Variants in BRCC3 observed in about 807,000 individuals in gnomAD.
BRCC3 encodes BRCA1/BRCA2-containing complex subunit 3.
A neutral mutation model predicts 28.0 loss-of-function variants in BRCC3; 15 were observed. The observed-to-expected ratio is 0.54, with a 90% CI of 0.36 to 0.82. The LOEUF (loss-of-function observed/expected upper bound fraction) is 0.82. Among genes scored for constraint, BRCC3 ranks in the 40% least tolerant of loss-of-function variants. The pLI is 0.01. For missense variants in BRCC3, 109 were observed against 225.9 expected (o/e 0.48, Z 3.32); for synonymous variants, 66 against 80.3 (o/e 0.82, Z 0.95).
intron 5 of BRCC3, among the ~76,000 whole-genome samples, chrX:155,087,487 A>C (rs1261176482): frequency 8.9e-6 from 1 of 112,064 alleles, no homozygotes; most frequent in Non-Finnish European, 1.9e-5. Context: ...GTCAGACGGC[A>C]ACTTAGATCT....
intron 2 of BRCC3, among the ~76,000 whole-genome samples, chrX:155,072,817 C>G (rs1569560382): frequency 9.0e-6 from 1 of 110,666 alleles, no homozygotes; most frequent in Non-Finnish European, 1.9e-5. Context: ...CTCGACCTCC[C>G]CAAGTGCTGG....
At chrX:155,081,744 C>T (rs982599461) in intron 5 of BRCC3, among the ~76,000 whole-genome samples, 14 of 111,510 alleles carry the variant, frequency 1.3e-4, no homozygotes, top group African/African-American at 3.6e-4. Flanking sequence ...GTAATTAGTG[C>T]AATTAGGTTA....
In BRCC3 at chrX:155,122,602, G is replaced by T. The variant is rs1365439298; in HGVS notation, c.*1398G>T. The T allele has an allele frequency of 9.0e-6, 1 of 111,469 alleles. No individual in the cohort carries two copies. The highest frequency in any genetic ancestry group is 3.3e-5 in the African/African-American group (1 of 30,622). 9.2% of individuals were successfully genotyped at this position (111,469 alleles called of 1,213,427 possible). On this transcript the variant is annotated 3_prime_UTR_variant, in exon 11 of 11. Transcript: ENST00000330045. Reference sequence around the variant, plus strand: ...ATAGCCCCAAACTGGAAACAACCCAGATGTCCTACAACAGGTACATGGTTA... The same window carrying T: ...ATAGCCCCAAACTGGAAACAACCCATATGTCCTACAACAGGTACATGGTTA...
intron 5 of BRCC3, among the ~76,000 whole-genome samples, chrX:155,084,282 A>G (rs782820459): frequency 5.4e-4 from 61 of 112,344 alleles, no homozygotes; most frequent in African/African-American, 1.9e-3. Context: ...CCAAGGAGAC[A>G]TGTACCTGTA....
At chrX:155,094,461 G>A (rs1414499971) in intron 7 of BRCC3, among the ~76,000 whole-genome samples, 5 of 110,790 alleles carry the variant, frequency 4.5e-5, no homozygotes, top group African/African-American at 1.6e-4. Flanking sequence ...GAACACAAGA[G>A]AGTAGCTAGA....
At chrX:155,074,597 A>G (rs1483582390) in intron 3 of BRCC3, among the ~76,000 whole-genome samples, 5 of 112,124 alleles carry the variant, frequency 4.5e-5, no homozygotes, top group African/African-American at 1.6e-4. Context: ...CTCTGACTAA[A>G]GCAAGAAAGA....
intron 5 of BRCC3, among the ~76,000 whole-genome samples, chrX:155,087,843 C>G (rs1238053821): frequency 1.8e-5 from 2 of 111,766 alleles, no homozygotes; most frequent in African/African-American, 6.5e-5. Flanking sequence ...ATGATGGGCA[C>G]AGTAGTTGTT....
chrX:155,107,489 T>C (rs1454258671), intron 7 of BRCC3, among the ~76,000 whole-genome samples: 1 of 110,163 alleles, frequency 9.1e-6, no homozygotes, highest in Non-Finnish European at 1.9e-5. Flanking sequence ...CCATGTTCTC[T>C]CTCTGTCATA....
intron 7 of BRCC3, among the ~76,000 whole-genome samples, chrX:155,097,150 G>A (rs369586805): frequency 9.0e-6 from 1 of 111,524 alleles, no homozygotes; most frequent in Non-Finnish European, 1.9e-5. Flanking sequence ...AAAAAGAAAC[G>A]GGTGGGACTA....
At chrX:155,086,087 C>T (rs2074125013) in intron 5 of BRCC3, among the ~76,000 whole-genome samples, 1 of 111,531 alleles carries the variant, frequency 9.0e-6, no homozygotes, top group African/African-American at 3.3e-5. Context: ...GATTATTCAT[C>T]TGCAACACAC....
At chrX:155,083,464 C>T (rs1450835210) in intron 5 of BRCC3, among the ~76,000 whole-genome samples, 1 of 111,968 alleles carries the variant, frequency 8.9e-6, no homozygotes, top group Non-Finnish European at 1.9e-5. Flanking sequence ...TTCCCCTTTT[C>T]CCTCCTATTT....
intron 7 of BRCC3, among the ~76,000 whole-genome samples, chrX:155,108,134 T>C (rs929275938): frequency 1.8e-5 from 2 of 112,011 alleles, no homozygotes; most frequent in Non-Finnish European, 3.8e-5. Context: ...CCTTGTTTTT[T>C]TCCCAAAGGT....
intron 3 of BRCC3, among the ~76,000 whole-genome samples, chrX:155,073,709 T>A (rs2074006695): frequency 8.9e-6 from 1 of 111,746 alleles, no homozygotes. Context: ...CCCACTTTCC[T>A]TGATACTTTG....
Position 155,085,142 on chromosome X carries a change from A to C in BRCC3, c.404-4121A>C, listed in dbSNP as rs145795337. 6.7e-3 allele frequency among the ~76,000 whole-genome samples: 750 copies of C among 112,623 alleles called. 7 individuals carry two copies. Among genetic ancestry groups the C allele is most frequent in the African/African-American group, 0.023 (718 of 30,990 alleles). On this transcript the variant is annotated intron_variant, in intron 5 of 10. Coordinates refer to ENST00000330045, the MANE Select transcript of BRCC3 (RefSeq NM_001018055.3). The stretch of plus-strand genomic sequence containing the variant: ...ACGTAGCTCCTAAAAGGAAATGAGA[A>C]GGCCTATTTCTGAAATGTTTCCATG...
chrX:155,105,891 G>T (rs1262816913), intron 7 of BRCC3, among the ~76,000 whole-genome samples: 3 of 111,224 alleles, frequency 2.7e-5, no homozygotes, highest in Non-Finnish European at 3.8e-5. Flanking sequence ...TGGAGACAGG[G>T]TTTCACCATG....
chrX:155,073,321 C>G (rs1557292880), intron 2 of BRCC3, 56 bp from the exon 3 acceptor site: 1 of 1,128,718 alleles, frequency 8.9e-7, no homozygotes, highest in Middle Eastern at 2.4e-4. Flanking sequence ...TGCTTTAATT[C>G]CTTTTTATAT....
chrX:155,112,856 T>A (rs2074330267), intron 7 of BRCC3, among the ~76,000 whole-genome samples: 1 of 111,770 alleles, frequency 8.9e-6, no homozygotes, highest in Non-Finnish European at 1.9e-5. Flanking sequence ...TAACAATGAA[T>A]AATCAGAAAA....
rs915598791 is a variant in BRCC3 at position 155,118,829 on chromosome X, T to A, written c.725-1170T>A. On this transcript the variant is annotated intron_variant, in intron 9 of 10. Coordinates refer to ENST00000330045, the MANE Select transcript of BRCC3 (RefSeq NM_001018055.3). The stretch of plus-strand genomic sequence containing the variant: ...ACCTCCAACATTGGGGGTCACATTT[T>A]AACATGAGGTTTGGAGGGCCAAATA... Among the ~76,000 whole-genome samples, 3 of 111,937 alleles carry A rather than the reference T, an allele frequency of 2.7e-5. No individual in the cohort carries two copies. In the Admixed American group the frequency reaches 2.8e-4, roughly 11 times the overall value.
At chrX:155,103,285 TA>T (rs2074258116) in intron 7 of BRCC3, among the ~76,000 whole-genome samples, 1 of 112,583 alleles carries the variant, frequency 8.9e-6, no homozygotes, top group African/African-American at 3.2e-5. Context: ...CTAGTGCTCT[TA>T]GTTTCTTTGT....
Sources: allele counts gnomAD v4.1 joint callset (sites outside exome capture counted in the v4.1 genomes callset), GRCh38; gene constraint gnomAD v4.1.1; transcripts MANE v1.5; gene names NCBI Gene and HGNC (gene_info 2026-07-23, HGNC 2026-07-21).